LINGO2: variants seen among roughly 807,000 people sequenced by gnomAD.
LINGO2 encodes leucine-rich repeat and immunoglobulin-like domain-containing nogo receptor-interacting protein 2.
A neutral mutation model predicts 30.6 loss-of-function variants in LINGO2; 14 were observed. The observed-to-expected ratio is 0.46, with a 90% CI of 0.30 to 0.72. The LOEUF (loss-of-function observed/expected upper bound fraction) is 0.72. Among genes scored for constraint, LINGO2 ranks in the 30% least tolerant of loss-of-function variants. The pLI, the probability that LINGO2 is intolerant of heterozygous loss-of-function variation, is 0.07. For missense variants in LINGO2, 729 were observed against 751.7 expected, an observed-to-expected ratio of 0.97 and a Z score of 0.35; for synonymous variants, 317 against 288.5, an observed-to-expected ratio of 1.10 and a Z score of -1.00.
intron 3 of LINGO2, among the ~76,000 whole-genome samples, chr9:28,349,145 T>A (rs889367461): frequency 1.3e-5 from 2 of 152,200 alleles, no homozygotes; most frequent in African/African-American, 4.8e-5. Flanking sequence ...CAAAGCTGGA[T>A]GGAAAATGAC....
intron 4 of LINGO2, among the ~76,000 whole-genome samples, chr9:28,140,290 G>T (rs371858272): frequency 7.9e-5 from 12 of 152,184 alleles, no homozygotes; most frequent in Non-Finnish European, 1.3e-4. Context: ...CCGTAAAATG[G>T]TAAGTTTAAT....
rs182154410 is a variant in LINGO2 at position 28,231,273 on chromosome 9, G to A, written c.-87+63935C>T. ...CATGTTGAAAGAGTTCATAATATAT[G>A]CCTAAATCATTAGAAATAAAAGAGA... On this transcript the variant is annotated intron_variant, in intron 4 of 5. Transcript: ENST00000379992. Among the ~76,000 whole-genome samples, 21 of 152,048 alleles carry A rather than the reference G, an allele frequency of 1.4e-4. No individual in the cohort carries two copies. In the East Asian group the frequency reaches 3.7e-3, roughly 27 times the overall value.
At chr9:29,180,223 G>A in the LINGO2 span, among the ~76,000 whole-genome samples, 2 of 152,060 alleles carry the variant, frequency 1.3e-5, no homozygotes, top group Non-Finnish European at 2.9e-5. Flanking sequence ...TAGATTTTTC[G>A]CTTCCATTTT....
intron 1 of LINGO2, among the ~76,000 whole-genome samples, chr9:28,534,675 C>T (rs1821359156): frequency 6.6e-6 from 1 of 151,998 alleles, no homozygotes; most frequent in Admixed American, 6.6e-5. Flanking sequence ...GATACTGAAA[C>T]ATTAGCAAAC....
chr9:28,427,909 C>G (rs772207084), intron 2 of LINGO2, among the ~76,000 whole-genome samples: 1 of 152,106 alleles, frequency 6.6e-6, no homozygotes, highest in Non-Finnish European at 1.5e-5. Flanking sequence ...AGGTCAACCT[C>G]CCCTACTTTC....
chr9:29,033,674 T>C, the LINGO2 span, among the ~76,000 whole-genome samples: 1 of 151,888 alleles, frequency 6.6e-6, no homozygotes, highest in Non-Finnish European at 1.5e-5. Context: ...ATTACTTTCC[T>C]GAGTGGAGTT....
At position 28,367,092 on chromosome 9, in the gene LINGO2, A is replaced by AACTATAT. The variant is rs1164982167; in HGVS notation, c.-246+5743_-246+5744insATATAGT. ...TATCTTCTCTATATAGTTGTATTAT[A>AACTATAT]ATTTTGGTTAAATCAAAAGTCAGCA... On this transcript the variant is annotated intron_variant, in intron 3 of 5. Transcript: ENST00000379992. Among the ~76,000 whole-genome samples, 1,381 of 149,064 alleles carry AACTATAT rather than the reference A, an allele frequency of 9.3e-3. 15 individuals carry two copies. The highest frequency in any genetic ancestry group is 0.032 in the African/African-American group (1,297 of 40,178).
the LINGO2 span, among the ~76,000 whole-genome samples, chr9:29,170,341 C>T: frequency 6.6e-6 from 1 of 152,170 alleles, no homozygotes; most frequent in East Asian, 1.9e-4. Context: ...AGTGAAATGA[C>T]TCATAAACAA....
At chr9:28,843,955 A>T in the LINGO2 span, among the ~76,000 whole-genome samples, 1 of 151,840 alleles carries the variant, frequency 6.6e-6, no homozygotes, top group African/African-American at 2.4e-5. Flanking sequence ...AATGGAGTTA[A>T]TTATCTATCT....
At chr9:28,489,496 A>G (rs1039554940) in intron 1 of LINGO2, among the ~76,000 whole-genome samples, 1 of 152,106 alleles carries the variant, frequency 6.6e-6, no homozygotes, top group Non-Finnish European at 1.5e-5. Flanking sequence ...ATTGTGGCTA[A>G]AAAAGGGCTT....
At chr9:27,943,044 C>A in the LINGO2 span, 1 of 152,138 alleles carries the variant, frequency 6.6e-6, no homozygotes, top group Non-Finnish European at 1.5e-5. Context: ...CATCATTTTG[C>A]TGCTGGACAT....
chr9:28,784,583 A>T, the LINGO2 span, among the ~76,000 whole-genome samples: 1 of 152,224 alleles, frequency 6.6e-6, no homozygotes, highest in Non-Finnish European at 1.5e-5. Flanking sequence ...TAAATACAGA[A>T]AAACTGTCCC....
At chr9:28,788,691 C>T in the LINGO2 span, among the ~76,000 whole-genome samples, 1 of 152,096 alleles carries the variant, frequency 6.6e-6, no homozygotes, top group Non-Finnish European at 1.5e-5. Context: ...AGGAGAAGTG[C>T]TCAGTGAAGG....
the LINGO2 span, among the ~76,000 whole-genome samples, chr9:28,684,551 C>A: frequency 4.7e-5 from 7 of 148,020 alleles, no homozygotes; most frequent in South Asian, 4.3e-4. Context: ...GGCTGCTGAT[C>A]TGAGCTCACT....
At chr9:28,854,013 T>C in the LINGO2 span, among the ~76,000 whole-genome samples, 2 of 152,006 alleles carry the variant, frequency 1.3e-5, no homozygotes, top group Admixed American at 6.6e-5. Flanking sequence ...AATTAATTGC[T>C]GTCAATTAAA....
At chr9:28,541,793 T>C (rs1050892151) in intron 1 of LINGO2, among the ~76,000 whole-genome samples, 1 of 152,176 alleles carries the variant, frequency 6.6e-6, no homozygotes, top group African/African-American at 2.4e-5. Flanking sequence ...TATTATGTTC[T>C]TGAATATGGT....
intron 1 of LINGO2, among the ~76,000 whole-genome samples, chr9:28,525,987 C>T (rs1215374909): frequency 7.3e-6 from 1 of 136,408 alleles, no homozygotes; most frequent in Non-Finnish European, 1.5e-5. Context: ...ACCCGGGAGG[C>T]AGAGCTTCCA....
chr9:27,987,990 T>C (rs1001341734), intron 5 of LINGO2, among the ~76,000 whole-genome samples: 2 of 152,062 alleles, frequency 1.3e-5, no homozygotes, highest in African/African-American at 4.8e-5. Flanking sequence ...CTCCTAATGC[T>C]ATCCCTCCTC....
chr9:28,816,149 A>G, the LINGO2 span, among the ~76,000 whole-genome samples: 2 of 152,224 alleles, frequency 1.3e-5, no homozygotes, highest in South Asian at 2.1e-4. Flanking sequence ...ATGTTAATCT[A>G]TTCATAAGGG....
Sources: gnomAD v4.1 joint callset for allele counts (sites outside exome capture counted in the v4.1 genomes callset) on GRCh38, gnomAD v4.1.1 for gene constraint, MANE v1.5 for transcripts, NCBI Gene and HGNC (gene_info 2026-07-23, HGNC 2026-07-21) for gene names.